CSGALNACT1: variants seen among roughly 807,000 people sequenced by gnomAD.
CSGALNACT1 encodes chondroitin sulfate N-acetylgalactosaminyltransferase 1, also known as beta4GalNAcT-1.
Under a neutral mutation model 51.0 loss-of-function variants are expected in CSGALNACT1, and 52 were observed. The ratio of observed to expected loss-of-function variants is 1.02; its 90% confidence interval spans 0.82 to 1.29. The LOEUF is 1.29. CSGALNACT1 is among the 50% of genes most tolerant of loss of function. The pLI, the probability that CSGALNACT1 is intolerant of heterozygous loss-of-function variation, is 0.00. For missense variants in CSGALNACT1, 935 were observed against 679.2 expected (o/e 1.38, Z -4.19); for synonymous variants, 341 against 254.4 (o/e 1.34, Z -3.24).
intron 3 of CSGALNACT1, among the ~76,000 whole-genome samples, chr8:19,550,741 T>C (rs928182175): frequency 1.3e-5 from 2 of 152,184 alleles, no homozygotes; most frequent in Non-Finnish European, 2.9e-5. Context: ...TCAACTGGTC[T>C]TTCTCAGATG....
At position 19,439,982 on chromosome 8, in the gene CSGALNACT1, C is replaced by A. The variant is rs751016667; in HGVS notation, c.852-51G>T. 64 of 1,451,932 alleles carry A rather than the reference C, an allele frequency of 4.4e-5. No individual in the cohort carries two copies. The Admixed American group carries it at 1.1e-3, about 24-fold the overall frequency. The allele number at this position is 1,451,932 out of a possible 1,614,324, so 89.9% of individuals were successfully genotyped here. A position where few individuals can be genotyped will look rare whatever the true frequency, so the allele number is the denominator to read the frequency against. ...TGGCACCTGTTTTCACACTGACAGG[C>A]ACAGCACAAACCAATACCTTTTTGT... On this transcript the variant is annotated intron_variant, in intron 5 of 9. Coordinates refer to ENST00000454498, the Ensembl canonical transcript of CSGALNACT1.
chr8:19,744,647 A>G (rs941175779), intron 1 of CSGALNACT1, among the ~76,000 whole-genome samples: 2 of 152,236 alleles, frequency 1.3e-5, no homozygotes, highest in African/African-American at 4.8e-5. Context: ...AGGCATGCTT[A>G]TAAACTGAAA....
intron 6 of CSGALNACT1, among the ~76,000 whole-genome samples, chr8:19,432,160 T>C (rs965385606): frequency 9.2e-5 from 14 of 152,344 alleles, no homozygotes; most frequent in Middle Eastern, 3.4e-3. Context: ...TTATTAGTGA[T>C]GAAGTCTCTT....
At chr8:19,553,837 G>T (rs944575450) in intron 3 of CSGALNACT1, among the ~76,000 whole-genome samples, 1 of 151,076 alleles carries the variant, frequency 6.6e-6, no homozygotes, top group African/African-American at 2.4e-5. Context: ...AGAAAACATT[G>T]CATTGACAAA....
intron 4 of CSGALNACT1, among the ~76,000 whole-genome samples, chr8:19,465,917 A>T (rs948095889): frequency 2.0e-4 from 31 of 152,198 alleles, no homozygotes; most frequent in Non-Finnish European, 5.9e-5. Context: ...CTCAGCACAT[A>T]GAAAAGAATC....
At chr8:19,702,523 T>C (rs895096881) in intron 1 of CSGALNACT1, among the ~76,000 whole-genome samples, 35 of 152,166 alleles carry the variant, frequency 2.3e-4, no homozygotes, top group African/African-American at 7.5e-4. Context: ...AAAAACTTAA[T>C]TAATTTTTTA....
intron 1 of CSGALNACT1, among the ~76,000 whole-genome samples, chr8:19,672,211 C>T (rs576062793): frequency 1.1e-4 from 16 of 152,278 alleles, no homozygotes; most frequent in South Asian, 8.3e-4. Flanking sequence ...GGAATTTCTT[C>T]GGCTTTCCCA....
exon 4 of CSGALNACT1, chr8:19,505,537 C>T (rs1190862163): frequency 1.2e-6 from 2 of 1,613,988 alleles, no homozygotes; most frequent in South Asian, 1.1e-5. Context: ...GCATCGCTGG[C>T]TTGGTACTGC....
intron 2 of CSGALNACT1, among the ~76,000 whole-genome samples, chr8:19,599,298 A>T (rs73595449): frequency 6.6e-6 from 1 of 151,784 alleles, no homozygotes; most frequent in African/African-American, 2.4e-5. Flanking sequence ...GGCAGGAAAT[A>T]TATCAGTGAG....
chr8:19,705,342 T>A (rs997852312), intron 1 of CSGALNACT1, among the ~76,000 whole-genome samples: 2 of 152,218 alleles, frequency 1.3e-5, no homozygotes, highest in African/African-American at 4.8e-5. Flanking sequence ...ACAATTTAAA[T>A]GTTCAATAAT....
chr8:19,496,304 T>C (rs1385483181), intron 4 of CSGALNACT1, among the ~76,000 whole-genome samples: 2 of 152,232 alleles, frequency 1.3e-5, no homozygotes, highest in Non-Finnish European at 2.9e-5. Flanking sequence ...GAGGCTTTCA[T>C]ATTCAAAAGT....
chr8:19,507,413 T>C (rs1240222740), intron 3 of CSGALNACT1, among the ~76,000 whole-genome samples: 5 of 151,320 alleles, frequency 3.3e-5, no homozygotes, highest in Admixed American at 3.3e-4. Flanking sequence ...CATTTCCCCC[T>C]GGGGTCACCC....
chr8:19,536,965 G>A (rs1445257575), intron 3 of CSGALNACT1, among the ~76,000 whole-genome samples: 1 of 152,132 alleles, frequency 6.6e-6, no homozygotes. Flanking sequence ...TATCCAATCT[G>A]AGAATCAAAA....
intron 1 of CSGALNACT1, among the ~76,000 whole-genome samples, chr8:19,690,633 G>C (rs1281989654): frequency 6.6e-6 from 1 of 152,174 alleles, no homozygotes; most frequent in African/African-American, 2.4e-5. Context: ...GATCATAATA[G>C]AGCTGTTTAA....
chr8:19,668,298 G>T (rs1356725531), intron 1 of CSGALNACT1, among the ~76,000 whole-genome samples: 1 of 151,684 alleles, frequency 6.6e-6, no homozygotes, highest in African/African-American at 2.4e-5. Context: ...AGCTTCCTTA[G>T]CCACTCATAG....
intron 1 of CSGALNACT1, among the ~76,000 whole-genome samples, chr8:19,746,330 C>T (rs140823294): frequency 2.0e-5 from 3 of 152,236 alleles, no homozygotes; most frequent in East Asian, 3.9e-4. Flanking sequence ...TTCTGAACAA[C>T]CTGAGAGTAG....
At chr8:19,733,700 A>C (rs1410334966) in intron 1 of CSGALNACT1, among the ~76,000 whole-genome samples, 1 of 152,204 alleles carries the variant, frequency 6.6e-6, no homozygotes, top group Non-Finnish European at 1.5e-5. Flanking sequence ...TCTTTGCCTG[A>C]AAGACGTCTA....
chr8:19,756,115 C>T (rs912816076), intron 1 of CSGALNACT1, among the ~76,000 whole-genome samples: 27 of 152,176 alleles, frequency 1.8e-4, no homozygotes, highest in African/African-American at 6.3e-4. Flanking sequence ...CATTTCAGCA[C>T]TGCACAGGGC....
intron 1 of CSGALNACT1, among the ~76,000 whole-genome samples, chr8:19,711,460 A>T (rs1439310570): frequency 6.6e-6 from 1 of 152,208 alleles, no homozygotes; most frequent in Non-Finnish European, 1.5e-5. Flanking sequence ...AAGTAGCAGG[A>T]ATTAATGTAT....
Sources: allele counts gnomAD v4.1 joint callset (sites outside exome capture counted in the v4.1 genomes callset), GRCh38; gene constraint gnomAD v4.1.1; transcripts MANE v1.5; gene names NCBI Gene and HGNC (gene_info 2026-07-23, HGNC 2026-07-21).